The following COL11A1 variants were observed in gnomAD, a reference collection of about 807,000 sequenced individuals.
The protein encoded by COL11A1 is collagen type XI alpha 1 chain, also known as collagen alpha-1(XI) chain.
Under a neutral mutation model 265.2 loss-of-function variants are expected in COL11A1, and 74 were observed. That is an observed-to-expected ratio of 0.28 (90% CI 0.23 to 0.34). The LOEUF is 0.34. Among genes scored for constraint, COL11A1 ranks in the 10% least tolerant of loss-of-function variants. The probability of loss-of-function intolerance (pLI) is 1.00; values close to 1 mark genes in which losing one functional copy is unlikely to be tolerated. For missense variants in COL11A1, 2,165 were observed against 2,263.6 expected (o/e 0.96, Z 0.88); for synonymous variants, 816 against 727.6 (o/e 1.12, Z -1.96).
At chr1:103,045,590 T>C (rs1669182790) in intron 4 of COL11A1, among the ~76,000 whole-genome samples, 1 of 152,056 alleles carries the variant, frequency 6.6e-6, no homozygotes, top group African/African-American at 2.4e-5. Context: ...TAAACAATAA[T>C]TTAAATAATA....
At chr1:103,047,140 G>A (rs1003183008) in intron 4 of COL11A1, among the ~76,000 whole-genome samples, 5 of 152,144 alleles carry the variant, frequency 3.3e-5, no homozygotes, top group Non-Finnish European at 7.4e-5. Flanking sequence ...CCAATTCTGT[G>A]TAGAAAGTCA....
In COL11A1 at chr1:103,098,001, A is replaced by T. The variant is rs1046667607; in HGVS notation, c.106+10072T>A. On this transcript the variant is annotated intron_variant, in intron 1 of 66. Coordinates refer to ENST00000370096, the MANE Select transcript of COL11A1 (RefSeq NM_001854.4). Reference sequence around the variant, plus strand: ...AACTCTGAGTATGGTGAAGAAAAGAACAAAAACTAGTTGAGAGTATGACAT... The same window carrying T: ...AACTCTGAGTATGGTGAAGAAAAGATCAAAAACTAGTTGAGAGTATGACAT... Among the ~76,000 whole-genome samples, 3 of 152,124 alleles carry T rather than the reference A, an allele frequency of 2.0e-5. No individual in the cohort carries two copies. The East Asian group carries it at 5.8e-4, about 29-fold the overall frequency.
intron 24 of COL11A1, among the ~76,000 whole-genome samples, chr1:102,998,619 A>C (rs906170165): frequency 1.3e-5 from 2 of 151,714 alleles, no homozygotes; most frequent in Admixed American, 1.3e-4. Flanking sequence ...TTAAATTAGC[A>C]AATTAGTTTT....
At chr1:102,939,546 T>G (rs960407760) in intron 43 of COL11A1, among the ~76,000 whole-genome samples, 15 of 150,880 alleles carry the variant, frequency 9.9e-5, no homozygotes, top group African/African-American at 3.4e-4. Context: ...AATAAATGTT[T>G]TTAAAAAGTT....
chr1:102,917,240 G>A (rs1246074624), intron 49 of COL11A1, among the ~76,000 whole-genome samples: 1 of 151,838 alleles, frequency 6.6e-6, no homozygotes, highest in Non-Finnish European at 1.5e-5. Flanking sequence ...AAAAGGAAAA[G>A]ATCCTCTTTT....
rs192929247 is a variant in COL11A1, at chr1:102,948,571, T to C, written c.3169-1615A>G. ...GTGGCATTTTTGAGCTGTGAGTAAGTATATATTCAAAAACTAATCTAGGGA... is the reference window on the plus strand; with the variant it reads ...GTGGCATTTTTGAGCTGTGAGTAAGCATATATTCAAAAACTAATCTAGGGA... On this transcript the variant is annotated intron_variant, in intron 41 of 66. Coordinates refer to ENST00000370096, the MANE Select transcript of COL11A1 (RefSeq NM_001854.4). Among the ~76,000 whole-genome samples the C allele has an allele frequency of 3.3e-5, 5 of 152,162 alleles. No individual in the cohort carries two copies. The East Asian group carries it at 9.6e-4, about 29-fold the overall frequency.
At chr1:102,945,593 T>A (rs974112030) in intron 42 of COL11A1, among the ~76,000 whole-genome samples, 52 of 152,320 alleles carry the variant, frequency 3.4e-4, no homozygotes, top group African/African-American at 1.1e-3. Flanking sequence ...TAATTTTATA[T>A]ATCAATACTT....
rs10639471 is a variant in COL11A1 at position 102,970,058 on chromosome 1, T to TTA, written c.2862+159_2862+160dup. On this transcript the variant is annotated intron_variant, in intron 37 of 66. Coordinates refer to ENST00000370096, the MANE Select transcript of COL11A1 (RefSeq NM_001854.4). ...ATATTTCTTGTATCTATTTTTGTAT[T>TTA]TATATATATATGTATATTTCAATAA... Among the ~76,000 whole-genome samples, 12,598 of 150,522 alleles carry TTA rather than the reference T, an allele frequency of 0.084. 976 individuals carry two copies. The highest frequency in any genetic ancestry group is 0.21 in the African/African-American group (8,594 of 41,082).
chr1:102,882,469 T>C (rs1650384223), intron 64 of COL11A1, among the ~76,000 whole-genome samples: 1 of 152,192 alleles, frequency 6.6e-6, no homozygotes, highest in Admixed American at 6.6e-5. Context: ...CTGCCCTTAC[T>C]ACCCACTCTT....
In COL11A1 at chr1:103,031,260, A is replaced by G. The variant is rs751885956; in HGVS notation, c.652-16T>C. 6.3e-7 allele frequency: 1 copy of G among 1,598,574 alleles called. No homozygotes were observed. The highest frequency in any genetic ancestry group is 1.1e-5 in the South Asian group (1 of 90,582). On this transcript the variant is annotated splice_polypyrimidine_tract_variant and intron_variant, in intron 4 of 66. Coordinates refer to ENST00000370096, the MANE Select transcript of COL11A1 (RefSeq NM_001854.4). ...GAATGTCCCCCTGGGAAAAAAAAAAAAACAAAAACAAACAGACACAGATTC... is the reference window on the plus strand; with the variant it reads ...GAATGTCCCCCTGGGAAAAAAAAAAGAACAAAAACAAACAGACACAGATTC...
Position 103,022,801 on chromosome 1 carries a change from G to A in COL11A1, c.1186C>T (p.Pro396Ser). Residue 396 changes from proline to serine, a missense_variant, in exon 8 of 67, where the codon CCC (proline) becomes TCC (serine). Coordinates refer to ENST00000370096, the MANE Select transcript of COL11A1 (RefSeq NM_001854.4). ...YKEYEDKPTSPPNEEFGPGVP... is the reference protein window; with the variant it reads ...YKEYEDKPTSSPNEEFGPGVP... Reference sequence around the variant, plus strand: ...CCTGGACCAAATTCTTCATTAGGGGGGCTTGTTGGTTTATCTTCATATTCT... The same window carrying A: ...CCTGGACCAAATTCTTCATTAGGGGAGCTTGTTGGTTTATCTTCATATTCT... 6.2e-7 allele frequency: 1 copy of A among 1,613,586 alleles called. No individual in the cohort carries two copies. The highest frequency in any genetic ancestry group is 1.1e-5 in the South Asian group (1 of 91,068).
chr1:102,909,061 A>C (rs1395530975), intron 54 of COL11A1, among the ~76,000 whole-genome samples: 1 of 152,186 alleles, frequency 6.6e-6, no homozygotes, highest in East Asian at 1.9e-4. Flanking sequence ...TCTCCCCTCC[A>C]AACCTCATGT....
chr1:102,933,735 C>T (rs1463412307), intron 46 of COL11A1, among the ~76,000 whole-genome samples: 1 of 152,168 alleles, frequency 6.6e-6, no homozygotes, highest in Admixed American at 6.5e-5. Flanking sequence ...TGCTAGCAAT[C>T]AGCGAGACTC....
chr1:103,049,273 C>G (rs1395890326), intron 4 of COL11A1, among the ~76,000 whole-genome samples: 2 of 152,142 alleles, frequency 1.3e-5, no homozygotes, highest in African/African-American at 2.4e-5. Context: ...CTTTATGAAT[C>G]TGGGTGCTCC....
intron 41 of COL11A1, among the ~76,000 whole-genome samples, chr1:102,951,205 C>A (rs983379155): frequency 7.9e-5 from 12 of 152,140 alleles, no homozygotes; most frequent in Non-Finnish European, 1.8e-4. Context: ...TTCTTATACA[C>A]TTTCTTATAG....
chr1:102,917,619 G>A (rs545064539), intron 49 of COL11A1, among the ~76,000 whole-genome samples: 238 of 151,878 alleles, frequency 1.6e-3, no homozygotes, highest in Non-Finnish European at 2.6e-3. Context: ...GAAATATTTC[G>A]TAGTAACCCT....
intron 9 of COL11A1, among the ~76,000 whole-genome samples, chr1:103,020,871 G>C (rs367624289): frequency 2.2e-5 from 3 of 135,422 alleles, no homozygotes; most frequent in African/African-American, 5.3e-5. Flanking sequence ...GCTTGTTTTT[G>C]TCAGGTTTGT....
intron 28 of COL11A1, among the ~76,000 whole-genome samples, chr1:102,994,153 T>A (rs1261083258): frequency 6.6e-6 from 1 of 152,130 alleles, no homozygotes; most frequent in Non-Finnish European, 1.5e-5. Flanking sequence ...AATCCACACA[T>A]AAGCCTTTTG....
intron 9 of COL11A1, 115 bp downstream of exon 9, chr1:103,021,592 C>T (rs1667080271): frequency 8.0e-6 from 6 of 750,500 alleles, no homozygotes; most frequent in East Asian, 2.5e-5. Context: ...GAATTGCAAA[C>T]ATCTGGACAT....
Sources: allele counts gnomAD v4.1 joint callset (sites outside exome capture counted in the v4.1 genomes callset), GRCh38; gene constraint gnomAD v4.1.1; transcripts MANE v1.5; gene names NCBI Gene and HGNC (gene_info 2026-07-23, HGNC 2026-07-21).